FOXO3: variants seen among roughly 807,000 people sequenced by gnomAD.
The protein encoded by FOXO3 is forkhead box protein O3.
Under a neutral mutation model 41.9 loss-of-function variants are expected in FOXO3, and 4 were observed. The ratio of observed to expected loss-of-function variants is 0.10; its 90% CI spans 0.05 to 0.22. The LOEUF is 0.22. Ranked by LOEUF, FOXO3 falls within the 10% of genes least tolerant of loss-of-function variation. The pLI is 1.00. For missense variants in FOXO3, 534 were observed against 906.8 expected (o/e 0.59, Z 5.28); for synonymous variants, 318 against 389.3 (o/e 0.82, Z 2.16).
chr6:108,667,030 T>C (rs1419993512), intron 2 of FOXO3, among the ~76,000 whole-genome samples: 1 of 152,234 alleles, frequency 6.6e-6, no homozygotes, highest in Non-Finnish European at 1.5e-5. Flanking sequence ...GGGTCTCCTA[T>C]GGTGAGCTCA....
At chr6:108,675,482 C>T (rs1213164110) in intron 2 of FOXO3, among the ~76,000 whole-genome samples, 1 of 152,210 alleles carries the variant, frequency 6.6e-6, no homozygotes, top group Non-Finnish European at 1.5e-5. Context: ...TTACACAAGT[C>T]AAGCTTGTGT....
intron 1 of FOXO3, among the ~76,000 whole-genome samples, chr6:108,635,922 A>C (rs1489157968): frequency 6.6e-6 from 1 of 152,244 alleles, no homozygotes; most frequent in Non-Finnish European, 1.5e-5. Context: ...GCTTTTGTGT[A>C]TAAGAACTAG....
In FOXO3 at chr6:108,664,799, G is replaced by A. The variant is rs1435402315; in HGVS notation, c.1966G>A (p.Val656Met). 17 of 1,482,728 alleles carry A rather than the reference G, an allele frequency of 1.1e-5. No individual in the cohort carries two copies. The highest frequency in any genetic ancestry group is 4.5e-5 in the Admixed American group (2 of 44,662). The allele number at this position is 1,482,728 out of a possible 1,614,324, so 91.8% of individuals were successfully genotyped here. A position where few individuals can be genotyped will look rare whatever the true frequency, so the allele number is the denominator to read the frequency against. The change falls in exon 2 of 3, where the codon GTG becomes ATG. Residue 656 changes from valine (V) to methionine (M), a missense_variant. This residue lies in a region of FOXO3 where 94 missense variants were observed against 214.4 expected (regional missense o/e 0.44). Transcript: ENST00000406360. ...ISTQNVVGLN[V>M]GNFTGAKQAS... ...CACACAGAATGTTGTTGGTTTGAAC[G>A]TGGGGAACTTCACTGGTGCTAAGCA...
chr6:108,560,684 T>G (rs1203048985), upstream of FOXO3, among the ~76,000 whole-genome samples: 1 of 151,688 alleles, frequency 6.6e-6, no homozygotes, highest in African/African-American at 2.4e-5. Context: ...GAGCGAAACA[T>G]AAACAAACGC....
intron 1 of FOXO3, among the ~76,000 whole-genome samples, chr6:108,576,775 T>G (rs1429175393): frequency 6.6e-6 from 1 of 152,224 alleles, no homozygotes; most frequent in Non-Finnish European, 1.5e-5. Flanking sequence ...ACATCTTTGT[T>G]GCCTGCTTGG....
chr6:108,562,595 G>A lies in FOXO3; in HGVS notation c.621+766G>A, dbSNP rs553953310. 1.8e-4 allele frequency among the ~76,000 whole-genome samples: 28 copies of A among 152,244 alleles called. No homozygotes were observed. The East Asian group carries it at 4.3e-3, about 23-fold the overall frequency. On this transcript the variant is annotated intron_variant, in intron 1 of 2. Transcript: ENST00000406360. Reference sequence around the variant, plus strand: ...GGCCTGGATTCAGGCACTGTTTGAGGGAAGGGCTCTGGTGTGGGGGACGCG... The same window carrying A: ...GGCCTGGATTCAGGCACTGTTTGAGAGAAGGGCTCTGGTGTGGGGGACGCG...
chr6:108,632,411 A>G (rs964060588), intron 1 of FOXO3, among the ~76,000 whole-genome samples: 2 of 152,232 alleles, frequency 1.3e-5, no homozygotes, highest in African/African-American at 4.8e-5. Flanking sequence ...ACAGAAATGT[A>G]ATACTTTACC....
At chr6:108,611,092 A>G (rs888043906) in intron 1 of FOXO3, among the ~76,000 whole-genome samples, 41 of 143,542 alleles carry the variant, frequency 2.9e-4, no homozygotes, top group South Asian at 9.7e-4. Context: ...GTATAAATGT[A>G]GAGTCATTAC....
At position 108,681,800 on chromosome 6, in the gene FOXO3, G is replaced by C. The variant is rs1165831569; in HGVS notation, c.*2008G>C. 1 of 152,202 alleles carries C rather than the reference G, an allele frequency of 6.6e-6. No individual in the cohort carries two copies. The highest frequency in any genetic ancestry group is 1.5e-5 in the Non-Finnish European group (1 of 68,036). 9.4% of individuals were successfully genotyped at this position (152,202 alleles called of 1,614,324 possible). On this transcript the variant is annotated 3_prime_UTR_variant, in exon 3 of 3. Transcript: ENST00000406360. ...TTCTATTCATATGGTCTGCTTGTCA[G>C]TGAGCCAGACTTGCTTACTATATTC...
intron 1 of FOXO3, among the ~76,000 whole-genome samples, chr6:108,632,022 C>G (rs970882308): frequency 3.9e-5 from 6 of 152,096 alleles, no homozygotes; most frequent in African/African-American, 1.4e-4. Flanking sequence ...GTTCCTCTAT[C>G]GCCTGAATTT....
At chr6:108,569,406 T>C (rs1318007155) in intron 1 of FOXO3, among the ~76,000 whole-genome samples, 2 of 152,176 alleles carry the variant, frequency 1.3e-5, no homozygotes, top group Non-Finnish European at 2.9e-5. Flanking sequence ...AGAACTACGG[T>C]AGCTGGCATC....
chr6:108,560,757 T>A (rs572800654), upstream of FOXO3: 7 of 252,686 alleles, frequency 2.8e-5, no homozygotes, highest in South Asian at 1.1e-3. Flanking sequence ...CGCTGCCCGC[T>A]TTAAAGGCGC....
intron 1 of FOXO3, among the ~76,000 whole-genome samples, chr6:108,630,854 A>G (rs923013296): frequency 1.3e-5 from 2 of 152,298 alleles, no homozygotes; most frequent in Middle Eastern, 3.4e-3. Context: ...TCTCTTTGCC[A>G]CCAAGGGTTG....
At chr6:108,671,349 C>T (rs1049075465) in intron 2 of FOXO3, among the ~76,000 whole-genome samples, 1 of 152,232 alleles carries the variant, frequency 6.6e-6, no homozygotes, top group South Asian at 2.1e-4. Context: ...CACACTGTCC[C>T]TGGGGCTCAG....
At chr6:108,630,039 A>G (rs534025361) in intron 1 of FOXO3, among the ~76,000 whole-genome samples, 2 of 152,276 alleles carry the variant, frequency 1.3e-5, no homozygotes, top group Non-Finnish European at 1.5e-5. Flanking sequence ...TTTCTACTAT[A>G]TTGGTCTAAA....
chr6:108,665,202 A>C (rs1487381286), intron 2 of FOXO3, among the ~76,000 whole-genome samples: 1 of 152,312 alleles, frequency 6.6e-6, no homozygotes, highest in East Asian at 1.9e-4. Context: ...CCTGTGACGC[A>C]GGTTGCCCTA....
intron 1 of FOXO3, among the ~76,000 whole-genome samples, chr6:108,654,656 A>G (rs1336511545): frequency 1.3e-5 from 2 of 152,006 alleles, no homozygotes; most frequent in African/African-American, 4.8e-5. Context: ...TATCGTCAGC[A>G]GTTTAACGGG....
chr6:108,632,081 C>G (rs891913517), intron 1 of FOXO3, among the ~76,000 whole-genome samples: 4 of 152,130 alleles, frequency 2.6e-5, no homozygotes, highest in Non-Finnish European at 5.9e-5. Flanking sequence ...TCAGGTTCAG[C>G]CTTCTTAGTT....
intron 1 of FOXO3, among the ~76,000 whole-genome samples, chr6:108,604,982 G>A (rs905390044): frequency 2.6e-5 from 4 of 152,168 alleles, no homozygotes; most frequent in Non-Finnish European, 5.9e-5. Context: ...TCCACCACAG[G>A]ATGTGGCCTC....
Sources: allele counts gnomAD v4.1 joint callset (sites outside exome capture counted in the v4.1 genomes callset), GRCh38; gene constraint gnomAD v4.1.1; regional missense constraint gnomAD v4.1.1; transcripts MANE v1.5; gene names NCBI Gene and HGNC (gene_info 2026-07-23, HGNC 2026-07-21).